IGFBP7: variants seen among roughly 807,000 people sequenced by gnomAD.
IGFBP7 encodes the protein insulin-like growth factor-binding protein 7.
Under a neutral mutation model 29.4 loss-of-function variants are expected in IGFBP7, and 31 were observed. The observed-to-expected ratio is 1.05, with a 90% CI of 0.79 to 1.42. IGFBP7 has a LOEUF of 1.42. Ranked by LOEUF, IGFBP7 falls within the 40% of genes most tolerant of loss-of-function variation. The pLI is 0.00. For missense variants in IGFBP7, 393 were observed against 395.5 expected (o/e 0.99, Z 0.05); for synonymous variants, 172 against 174.9 (o/e 0.98, Z 0.13).
intron 1 of IGFBP7, among the ~76,000 whole-genome samples, chr4:57,069,701 G>A (rs1374444558): frequency 6.6e-6 from 1 of 151,992 alleles, no homozygotes; most frequent in African/African-American, 2.4e-5. Context: ...CAAATAAGCA[G>A]AGAGAAGGTG....
intron 2 of IGFBP7, among the ~76,000 whole-genome samples, chr4:57,033,938 C>G (rs753007237): frequency 6.6e-6 from 1 of 150,928 alleles, no homozygotes; most frequent in Non-Finnish European, 1.5e-5. Context: ...GTAGTCCCAG[C>G]TACTCTGGAG....
intron 1 of IGFBP7, among the ~76,000 whole-genome samples, chr4:57,084,788 G>GAATTTT (rs71657252): frequency 8.8e-6 from 1 of 113,104 alleles, no homozygotes; most frequent in Non-Finnish European, 1.7e-5. Flanking sequence ...TTTAAAAAAG[G>GAATTTT]TTTTTTTTTT....
chr4:57,070,742 T>C lies in IGFBP7; in HGVS notation c.476-29809A>G, dbSNP rs1245674252. On this transcript the variant is annotated intron_variant, in intron 1 of 4. Transcript: ENST00000295666. Reference sequence around the variant, plus strand: ...AGACCTTTGTTTTCTCTTCTGAAAGTCTAAGACAACACAAGCCAGCTCACA... The same window carrying C: ...AGACCTTTGTTTTCTCTTCTGAAAGCCTAAGACAACACAAGCCAGCTCACA... Among the ~76,000 whole-genome samples the C allele has an allele frequency of 2.6e-5, 4 of 152,316 alleles. No individual in the cohort carries two copies. The East Asian group carries it at 5.8e-4, about 22-fold the overall frequency.
intron 1 of IGFBP7, chr4:57,072,635 C>T (rs529957592): frequency 7.4e-5 from 15 of 201,710 alleles, no homozygotes; most frequent in Admixed American, 4.2e-4. Context: ...CCACCACCAG[C>T]GTTGCTGCTG....
chr4:57,044,324 C>G (rs184793698), intron 1 of IGFBP7, among the ~76,000 whole-genome samples: 1 of 152,166 alleles, frequency 6.6e-6, no homozygotes, highest in Non-Finnish European at 1.5e-5. Context: ...TGGATTTTTC[C>G]CATGGGATTT....
chr4:57,070,139 A>AC (rs1725021571), intron 1 of IGFBP7, among the ~76,000 whole-genome samples: 1 of 152,176 alleles, frequency 6.6e-6, no homozygotes, highest in Non-Finnish European at 1.5e-5. Context: ...ACTATTCAGC[A>AC]CCAGCCCTCT....
rs1401760893 is a variant in IGFBP7 at position 57,110,118 on chromosome 4, C to T, written c.234G>A (p.Arg78=). 9.3e-6 allele frequency: 14 copies of T among 1,513,266 alleles called. No individual in the cohort carries two copies. The highest frequency in any genetic ancestry group is 2.7e-5 in the East Asian group (1 of 37,452). 93.7% of individuals were successfully genotyped at this position (1,513,266 alleles called of 1,614,324 possible). A position where few individuals can be genotyped will look rare whatever the true frequency, so the allele number is the denominator to read the frequency against. Residue 78 remains arginine, a synonymous_variant, in exon 1 of 5, where the codon AGG becomes AGA. Transcript: ENST00000295666. ...ACTCCATGCCCGGCGCGCAGTACCC[C>T]CTGCCGGCGCCGCCACCCCCGCACG... ...GEPCGGGGAG[R]GYCAPGMECV...
intron 1 of IGFBP7, among the ~76,000 whole-genome samples, chr4:57,071,492 G>A (rs1725052717): frequency 6.6e-6 from 1 of 152,192 alleles, no homozygotes; most frequent in Non-Finnish European, 1.5e-5. Flanking sequence ...GTTAGATTAA[G>A]CAACCCTGGA....
intron 1 of IGFBP7, 166 bp downstream of exon 1, chr4:57,109,711 T>C (rs1454598102): frequency 8.6e-6 from 7 of 814,230 alleles, no homozygotes; most frequent in Non-Finnish European, 1.3e-5. Context: ...CCACCGCTCC[T>C]GGCATTCCGC....
intron 1 of IGFBP7, among the ~76,000 whole-genome samples, chr4:57,083,371 T>C (rs930435186): frequency 2.0e-5 from 3 of 152,320 alleles, no homozygotes; most frequent in South Asian, 4.1e-4. Flanking sequence ...TGTAGGTTAT[T>C]GTTGTTCTAA....
Position 57,094,913 on chromosome 4 carries a change from G to A in IGFBP7, c.475+14964C>T, listed in dbSNP as rs545800963. Reference sequence around the variant, plus strand: ...GAGCAGCAAACATTTGAGTCACGGGGTCCCCACTGAGGTGGAACAAGGCAC... The same window carrying A: ...GAGCAGCAAACATTTGAGTCACGGGATCCCCACTGAGGTGGAACAAGGCAC... On this transcript the variant is annotated intron_variant, in intron 1 of 4. Coordinates refer to ENST00000295666, the MANE Select transcript of IGFBP7 (RefSeq NM_001553.3). Among the ~76,000 whole-genome samples the A allele has an allele frequency of 1.1e-4, 16 of 152,306 alleles. No homozygotes were observed. In the South Asian group the frequency reaches 3.3e-3, roughly 32 times the overall value.
At chr4:57,104,570 A>G (rs937744670) in intron 1 of IGFBP7, among the ~76,000 whole-genome samples, 1 of 152,246 alleles carries the variant, frequency 6.6e-6, no homozygotes, top group Admixed American at 6.5e-5. Flanking sequence ...ATATATTATC[A>G]ACATAAAAAA....
intron 1 of IGFBP7, among the ~76,000 whole-genome samples, chr4:57,067,598 T>C (rs1371617547): frequency 6.6e-6 from 1 of 152,206 alleles, no homozygotes; most frequent in East Asian, 1.9e-4. Flanking sequence ...AGAGACCTGC[T>C]GTACAGCAAT....
In IGFBP7 at chr4:57,104,899, G is replaced by A. The variant is rs2109807262; in HGVS notation, c.475+4978C>T. Among the ~76,000 whole-genome samples the A allele has an allele frequency of 2.0e-5, 3 of 152,292 alleles. No individual in the cohort carries two copies. The Middle Eastern group carries it at 0.01, about 518-fold the overall frequency. The stretch of plus-strand genomic sequence containing the variant: ...GAAAGAGAGCAGACAGGCAGGAGAG[G>A]GGCTTTCCTGCATTTCCAAACAGGA... On this transcript the variant is annotated intron_variant, in intron 1 of 4. Coordinates refer to ENST00000295666, the MANE Select transcript of IGFBP7 (RefSeq NM_001553.3).
At chr4:57,050,599 T>C (rs930462710) in intron 1 of IGFBP7, among the ~76,000 whole-genome samples, 6 of 151,998 alleles carry the variant, frequency 3.9e-5, no homozygotes, top group African/African-American at 1.5e-4. Context: ...AGGAGTGCAA[T>C]GGTGCTACGA....
At chr4:57,080,498 C>CA (rs1366994094) in intron 1 of IGFBP7, among the ~76,000 whole-genome samples, 1 of 152,142 alleles carries the variant, frequency 6.6e-6, no homozygotes, top group East Asian at 1.9e-4. Flanking sequence ...ACTGAGTCCC[C>CA]ATCTTCCCAT....
At chr4:57,067,054 T>C (rs1724936723) in intron 1 of IGFBP7, among the ~76,000 whole-genome samples, 1 of 151,896 alleles carries the variant, frequency 6.6e-6, no homozygotes, top group Non-Finnish European at 1.5e-5. Flanking sequence ...CAAAACAAAG[T>C]ATCAATAACA....
intron 1 of IGFBP7, chr4:57,073,005 T>C: frequency 1.0e-6 from 1 of 1,001,250 alleles, no homozygotes. Flanking sequence ...ATCCACAGCC[T>C]TCGAGGCAAA....
intron 1 of IGFBP7, among the ~76,000 whole-genome samples, chr4:57,057,410 T>C (rs891592904): frequency 5.3e-5 from 8 of 152,234 alleles, no homozygotes; most frequent in Non-Finnish European, 1.2e-4. Flanking sequence ...GGGCTTATTG[T>C]AGAACTTCCA....
Sources: allele counts gnomAD v4.1 joint callset (sites outside exome capture counted in the v4.1 genomes callset), GRCh38; gene constraint gnomAD v4.1.1; transcripts MANE v1.5; gene names NCBI Gene and HGNC (gene_info 2026-07-23, HGNC 2026-07-21).